The following TACR1 variants were observed in gnomAD, a reference collection of about 807,000 sequenced individuals.
TACR1 encodes the protein substance-P receptor.
In TACR1, 25 loss-of-function variants were observed where a neutral mutation model predicts 35.8. The ratio of observed to expected loss-of-function variants is 0.70; its 90% CI spans 0.51 to 0.98. The LOEUF (loss-of-function observed/expected upper bound fraction) is 0.98. Ranked by LOEUF, TACR1 falls within the 50% of genes least tolerant of loss-of-function variation. The pLI, the probability that TACR1 is intolerant of heterozygous loss-of-function variation, is 0.00. For missense variants in TACR1, 478 were observed against 522.9 expected (o/e 0.91, Z 0.84); for synonymous variants, 195 against 206.7 (o/e 0.94, Z 0.48).
At chr2:75,089,426 T>G (rs1171556182) in intron 2 of TACR1, among the ~76,000 whole-genome samples, 2 of 152,184 alleles carry the variant, frequency 1.3e-5, no homozygotes, top group Admixed American at 1.3e-4. Context: ...CTCCTGGGTT[T>G]TACTCTGAAA....
intron 2 of TACR1, among the ~76,000 whole-genome samples, chr2:75,087,038 T>G (rs1180141015): frequency 2.6e-5 from 4 of 152,190 alleles, no homozygotes; most frequent in African/African-American, 4.8e-5. Context: ...GTGCTGTAAG[T>G]TTAAAATACA....
intron 1 of TACR1, among the ~76,000 whole-genome samples, chr2:75,164,561 C>T (rs1352821710): frequency 6.6e-5 from 10 of 151,952 alleles, no homozygotes; most frequent in Non-Finnish European, 1.5e-5. Context: ...GGACAATAGT[C>T]TTGGAAGAAA....
chr2:75,177,895 A>G (rs1675464475), intron 1 of TACR1, among the ~76,000 whole-genome samples: 3 of 152,124 alleles, frequency 2.0e-5, no homozygotes, highest in African/African-American at 7.2e-5. Flanking sequence ...GCTCCACAAC[A>G]TGACGATTTC....
chr2:75,087,200 T>A (rs759457367), intron 2 of TACR1, among the ~76,000 whole-genome samples: 2 of 152,224 alleles, frequency 1.3e-5, no homozygotes, highest in Admixed American at 6.5e-5. Context: ...AAAATTTGTT[T>A]CACTCATTTG....
chr2:75,116,910 CAA>C (rs879800639), intron 2 of TACR1, among the ~76,000 whole-genome samples: 1 of 138,120 alleles, frequency 7.2e-6, no homozygotes. Context: ...AACTCCGTCT[CAA>C]AAAAAAAAAA....
At chr2:75,188,737 G>A (rs1483119384) in intron 1 of TACR1, 1 of 152,194 alleles carries the variant, frequency 6.6e-6, no homozygotes, top group Non-Finnish European at 1.5e-5. Context: ...AGGGTACTAG[G>A]TGGTTTTCAG....
intron 1 of TACR1, among the ~76,000 whole-genome samples, chr2:75,125,142 C>T (rs910626329): frequency 1.3e-5 from 2 of 152,016 alleles, no homozygotes; most frequent in African/African-American, 2.4e-5. Flanking sequence ...GACCACGCTT[C>T]ACTTTATTTT....
Position 75,056,095 on chromosome 2 carries a change from A to T in TACR1, c.585-2340T>A, listed in dbSNP as rs540690316. Among the ~76,000 whole-genome samples, 7 of 152,278 alleles carry T rather than the reference A, an allele frequency of 4.6e-5. No individual in the cohort carries two copies. The South Asian group carries it at 8.3e-4, about 18-fold the overall frequency. ...CTGTAATAGACATCTAGCACTGAGA[A>T]CTGTTTCAGACCTTAGGTATGCAAG... On this transcript the variant is annotated intron_variant, in intron 2 of 4. Coordinates refer to ENST00000305249, the MANE Select transcript of TACR1 (RefSeq NM_001058.4).
At chr2:75,190,284 G>A (rs981019912) in intron 1 of TACR1, among the ~76,000 whole-genome samples, 1 of 152,154 alleles carries the variant, frequency 6.6e-6, no homozygotes, top group Non-Finnish European at 1.5e-5. Context: ...AATGCTTAGG[G>A]GATGGTGTAA....
chr2:75,051,485 T>TC (rs1558536457), intron 3 of TACR1, 38 bp from the exon 4 acceptor site: 1 of 1,609,640 alleles, frequency 6.2e-7, no homozygotes, highest in Admixed American at 1.7e-5. Flanking sequence ...CACCAGCACA[T>TC]CCCCCTCTCT....
At chr2:75,103,587 A>G (rs1673584214) in intron 2 of TACR1, among the ~76,000 whole-genome samples, 2 of 151,910 alleles carry the variant, frequency 1.3e-5, no homozygotes, top group South Asian at 4.1e-4. Flanking sequence ...AAATAAATAA[A>G]TATGTAAATG....
At chr2:75,114,245 C>G (rs766265622) in intron 2 of TACR1, among the ~76,000 whole-genome samples, 9 of 152,160 alleles carry the variant, frequency 5.9e-5, no homozygotes, top group Non-Finnish European at 1.2e-4. Context: ...TGTCTTACTT[C>G]TTGCTAAAAC....
intron 1 of TACR1, 35 bp from the exon 2 acceptor site, chr2:75,120,803 G>T: frequency 6.6e-7 from 1 of 1,506,782 alleles, no homozygotes; most frequent in Non-Finnish European, 8.9e-7. Flanking sequence ...GTTCTGATCT[G>T]GTCACCAAAA....
intron 1 of TACR1, chr2:75,188,876 A>G (rs1675773184): frequency 6.6e-6 from 1 of 152,216 alleles, no homozygotes; most frequent in African/African-American, 2.4e-5. Context: ...AACCCAACAC[A>G]TACTACAATA....
intron 1 of TACR1, among the ~76,000 whole-genome samples, chr2:75,195,658 A>G (rs1170144204): frequency 6.6e-6 from 1 of 151,944 alleles, no homozygotes; most frequent in Non-Finnish European, 1.5e-5. Flanking sequence ...ATTGGGATCT[A>G]TCTTAAGAAA....
chr2:75,076,723 A>G (rs1308487993), intron 2 of TACR1, among the ~76,000 whole-genome samples: 1 of 152,046 alleles, frequency 6.6e-6, no homozygotes, highest in East Asian at 1.9e-4. Flanking sequence ...TCACTGGGGC[A>G]ACGTTAGCCA....
intron 1 of TACR1, among the ~76,000 whole-genome samples, chr2:75,151,126 T>C (rs1351263464): frequency 6.6e-6 from 1 of 152,238 alleles, no homozygotes; most frequent in Non-Finnish European, 1.5e-5. Flanking sequence ...CATAAAAGTT[T>C]GGAAAATTTG....
chr2:75,186,154 A>C (rs1036643085), intron 1 of TACR1, among the ~76,000 whole-genome samples: 7 of 151,932 alleles, frequency 4.6e-5, no homozygotes, highest in Non-Finnish European at 1.0e-4. Context: ...CGGGCGGATC[A>C]CGAGGTCAAG....
intron 2 of TACR1, among the ~76,000 whole-genome samples, chr2:75,086,604 G>A (rs989942805): frequency 6.6e-6 from 1 of 152,152 alleles, no homozygotes; most frequent in Admixed American, 6.5e-5. Context: ...GGGGGATTAT[G>A]ATGCTATTTC....
Sources: allele counts gnomAD v4.1 joint callset (sites outside exome capture counted in the v4.1 genomes callset), GRCh38; gene constraint gnomAD v4.1.1; transcripts MANE v1.5; gene names NCBI Gene and HGNC (gene_info 2026-07-23, HGNC 2026-07-21).